Variants in DNMT3A observed in about 807,000 individuals in gnomAD.
DNMT3A encodes DNA methyltransferase 3 alpha.
In DNMT3A, 267 loss-of-function variants were observed where a neutral mutation model predicts 117.6. The observed-to-expected ratio is 2.27, with a 90% CI of 2.05 to 2.51. The LOEUF is 2.51. DNMT3A is among the 30% of genes most tolerant of loss of function. DNMT3A has a pLI of 0.00. For synonymous variants in DNMT3A, 432 were observed against 474.8 expected, an observed-to-expected ratio of 0.91 and a Z score of 1.17; for missense variants, 1,029 against 1,260.2, an observed-to-expected ratio of 0.82 and a Z score of 2.78.
rs1558716405 is a variant in DNMT3A at position 25,293,675 on chromosome 2, A to ATAT, written c.177+6463_177+6464insATA. On this transcript the variant is annotated intron_variant, in intron 3 of 22. Coordinates refer to ENST00000321117, the MANE Select transcript of DNMT3A (RefSeq NM_022552.5). The surrounding 1 kb of genome is among the most constrained non-coding windows in gnomAD (Gnocchi z 4.7). ...CTACTATTTATTATATATATATATAAAAATTTATTTTTTTGAGACAGAGTC... is the reference window on the plus strand; with the variant it reads ...CTACTATTTATTATATATATATATAATATAAATTTATTTTTTTGAGACAGAGTC... Among the ~76,000 whole-genome samples, 13 of 151,662 alleles carry ATAT rather than the reference A, an allele frequency of 8.6e-5. No individual in the cohort carries two copies. The highest frequency in any genetic ancestry group is 3.1e-4 in the African/African-American group (13 of 41,346).
rs2149252779 is a variant in DNMT3A at position 25,234,348 on chromosome 2, G to A, written c.2670C>T (p.Gly890=). Residue 890 remains glycine (G), a synonymous_variant, in exon 23 of 23, where the codon GGC becomes GGT. Coordinates refer to ENST00000321117, the MANE Select transcript of DNMT3A (RefSeq NM_022552.5). The surrounding 1 kb of genome is among the most constrained non-coding windows in gnomAD (Gnocchi z 4.5). Reference sequence around the variant, plus strand: ...GGATGACTGGCACGCTCCATGACCGGCCCAGCAGTCTCTGCCTCGCCAAGC... The same window carrying A: ...GGATGACTGGCACGCTCCATGACCGACCCAGCAGTCTCTGCCTCGCCAAGC... ...MSRLARQRLL[G]RSWSVPVIRH... is the part of the protein sequence containing the mutation. The A allele has an allele frequency of 6.2e-7, 1 of 1,614,132 alleles. No individual in the cohort carries two copies. The highest frequency in any genetic ancestry group is 8.5e-7 in the Non-Finnish European group (1 of 1,180,012).
At chr2:25,319,564 C>T (rs1230553647) in intron 1 of DNMT3A, among the ~76,000 whole-genome samples, 1 of 152,136 alleles carries the variant, frequency 6.6e-6, no homozygotes, top group Admixed American at 6.5e-5. Flanking sequence ...AGGGAGGCTC[C>T]AGGATGAAGG....
intron 2 of DNMT3A, among the ~76,000 whole-genome samples, chr2:25,303,532 G>A (rs528456972): frequency 6.6e-6 from 1 of 152,262 alleles, no homozygotes; most frequent in Non-Finnish European, 1.5e-5. Context: ...TCCAGAGAGG[G>A]CGGGGAGTGC....
chr2:25,237,045 A>G lies in DNMT3A; in HGVS notation c.2409-40T>C, dbSNP rs755097282. 2.5e-6 allele frequency: 4 copies of G among 1,607,576 alleles called. No homozygotes were observed. Among genetic ancestry groups the G allele is most frequent in the East Asian group, 2.2e-5 (1 of 44,816 alleles). On this transcript the variant is annotated intron_variant, in intron 20 of 22. Transcript: ENST00000321117. The surrounding 1 kb of genome is among the most constrained non-coding windows in gnomAD (Gnocchi z 5.4). ...AGAGACTGTAACAACAGAAACCTGG[A>G]TAACAGCGGGAAGGGCCCCAGCTGC...
Position 25,234,268 on chromosome 2 carries a change from C to A in DNMT3A, c.*11G>T, listed in dbSNP as rs761934770. 4.4e-6 allele frequency: 7 copies of A among 1,595,426 alleles called. No individual in the cohort carries two copies. ...ACTTTGTGTCGCTACCTCAGTTTGC[C>A]CCCATGTCCCTTACACACACGCAAA... is the stretch of plus-strand genomic sequence containing the variant. On this transcript the variant is annotated 3_prime_UTR_variant, in exon 23 of 23. Coordinates refer to ENST00000321117, the MANE Select transcript of DNMT3A (RefSeq NM_022552.5). This position sits in a 1 kb window ranked among gnomAD's most constrained non-coding sequence, Gnocchi z 4.5.
intron 5 of DNMT3A, 123 bp from the exon 6 acceptor site, chr2:25,275,210 C>T (rs941860092): frequency 1.7e-5 from 23 of 1,356,190 alleles, no homozygotes; most frequent in African/African-American, 5.9e-5. Context: ...CCTGGGAGTG[C>T]TGGGCAGGCC....
Position 25,237,679 on chromosome 2 carries a change from CG to C in DNMT3A, c.2409-675del. ...ACTCGGGAGGCTGAGGCAGGAGAAT[CG>C]CTTGAACCTGGGAGGCGGAGGCTGC... On this transcript the variant is annotated intron_variant, in intron 20 of 22. Transcript: ENST00000321117. This position sits in a 1 kb window ranked among gnomAD's most constrained non-coding sequence, Gnocchi z 5.4. Among the ~76,000 whole-genome samples, 1 of 151,856 alleles carries C rather than the reference CG, an allele frequency of 6.6e-6. No homozygotes were observed. Among genetic ancestry groups the C allele is most frequent in the South Asian group, 2.1e-4 (1 of 4,820 alleles).
At chr2:25,319,495 C>G (rs2034512465) in intron 1 of DNMT3A, among the ~76,000 whole-genome samples, 1 of 152,166 alleles carries the variant, frequency 6.6e-6, no homozygotes, top group Non-Finnish European at 1.5e-5. Context: ...GCTCCTTTCC[C>G]AGGAAGGACA....
chr2:25,331,418 G>C (rs937698414), intron 1 of DNMT3A, among the ~76,000 whole-genome samples: 1 of 152,190 alleles, frequency 6.6e-6, no homozygotes, highest in Non-Finnish European at 1.5e-5. Flanking sequence ...TTCCAAAAAT[G>C]CTGTCCCCAG....
chr2:25,295,263 C>T (rs552923798), intron 3 of DNMT3A, among the ~76,000 whole-genome samples: 11 of 152,354 alleles, frequency 7.2e-5, no homozygotes, highest in East Asian at 3.9e-4. Flanking sequence ...CACCAGCCCC[C>T]GCCTCCCTAT....
chr2:25,246,559 A>T (rs1244423635), intron 10 of DNMT3A, 61 bp downstream of exon 10: 14 of 1,562,186 alleles, frequency 9.0e-6, no homozygotes, highest in African/African-American at 4.1e-5. Context: ...TGGCTTTCCC[A>T]GCCCTGGTGT....
intron 1 of DNMT3A, among the ~76,000 whole-genome samples, chr2:25,332,072 C>G (rs955693083): frequency 2.0e-5 from 3 of 152,234 alleles, no homozygotes; most frequent in African/African-American, 7.2e-5. Context: ...ATTGCTGCCC[C>G]GGACTTCTGT....
At chr2:25,335,838 C>T (rs1002890926) in intron 1 of DNMT3A, among the ~76,000 whole-genome samples, 2 of 152,022 alleles carry the variant, frequency 1.3e-5, no homozygotes, top group African/African-American at 2.4e-5. Context: ...TGAGCAGGGC[C>T]GTGACCACAG....
At chr2:25,330,284 G>A (rs577478635) in intron 1 of DNMT3A, among the ~76,000 whole-genome samples, 2 of 152,346 alleles carry the variant, frequency 1.3e-5, no homozygotes, top group East Asian at 1.9e-4. Flanking sequence ...CAGTCCTGCA[G>A]CATGGCTGCT....
intron 1 of DNMT3A, among the ~76,000 whole-genome samples, chr2:25,318,619 A>G (rs905414660): frequency 5.3e-5 from 8 of 151,972 alleles, no homozygotes; most frequent in African/African-American, 1.9e-4. Flanking sequence ...ATCTTAAACA[A>G]TCTTCCAATT....
intron 2 of DNMT3A, among the ~76,000 whole-genome samples, chr2:25,307,279 A>T (rs2033831682): frequency 6.6e-6 from 1 of 152,120 alleles, no homozygotes; most frequent in Admixed American, 6.5e-5. Flanking sequence ...ACCAGAGAGG[A>T]AAGGCTCATT....
intron 3 of DNMT3A, among the ~76,000 whole-genome samples, chr2:25,289,632 G>A (rs1210142795): frequency 6.6e-6 from 1 of 152,178 alleles, no homozygotes; most frequent in Non-Finnish European, 1.5e-5. Flanking sequence ...TCCCGCTCTG[G>A]GTTGAGTCTC....
In DNMT3A at chr2:25,294,197, T is replaced by C. The variant is rs2032949557; in HGVS notation, c.177+5942A>G. Among the ~76,000 whole-genome samples the C allele has an allele frequency of 6.6e-6, 1 of 152,166 alleles. No individual in the cohort carries two copies. Among genetic ancestry groups the C allele is most frequent in the Non-Finnish European group, 1.5e-5 (1 of 68,000 alleles). On this transcript the variant is annotated intron_variant, in intron 3 of 22. Transcript: ENST00000321117. The surrounding 1 kb of genome is among the most constrained non-coding windows in gnomAD (Gnocchi z 4.7). Reference sequence around the variant, plus strand: ...CAAGCCCCACCTCCTCCATCTTCCCTGGCTTCCCCGGCATCCTTAGGAGTC... The same window carrying C: ...CAAGCCCCACCTCCTCCATCTTCCCCGGCTTCCCCGGCATCCTTAGGAGTC...
rs140605077 is a variant in DNMT3A, at chr2:25,286,816, G to A, written c.178-4105C>T. On this transcript the variant is annotated intron_variant, in intron 3 of 22. Coordinates refer to ENST00000321117, the MANE Select transcript of DNMT3A (RefSeq NM_022552.5). This position sits in a 1 kb window ranked among gnomAD's most constrained non-coding sequence, Gnocchi z 4.3. ...CAGCCTGGAAGCCCAGGAGGGAGGG[G>A]CACCCCAGCCAGGCCTGGCCTCTTC... 3.2e-4 allele frequency among the ~76,000 whole-genome samples: 48 copies of A among 152,308 alleles called. No homozygotes were observed. The highest frequency in any genetic ancestry group is 3.4e-3 in the Middle Eastern group (1 of 294).
Sources: gnomAD v4.1 joint callset for allele counts (sites outside exome capture counted in the v4.1 genomes callset) on GRCh38, gnomAD v4.1.1 for gene constraint, Gnocchi (gnomAD v3.1) non-coding constraint, MANE v1.5 for transcripts, NCBI Gene and HGNC (gene_info 2026-07-23, HGNC 2026-07-21) for gene names.